Variants in NCALD observed in about 807,000 individuals in gnomAD.
The protein encoded by NCALD is neurocalcin delta.
NCALD carries 10 observed loss-of-function variants against 18.6 expected under a neutral mutation model. That is an observed-to-expected ratio of 0.54 (90% CI 0.33 to 0.91). The LOEUF is 0.91. Among genes scored for constraint, NCALD ranks in the 40% least tolerant of loss-of-function variants. The pLI, the probability that NCALD is intolerant of heterozygous loss-of-function variation, is 0.03. For missense variants in NCALD, 184 were observed against 247.6 expected (o/e 0.74, Z 1.72); for synonymous variants, 88 against 87.4 (o/e 1.01, Z -0.04).
intron 1 of NCALD, among the ~76,000 whole-genome samples, chr8:101,733,866 C>T (rs1431854848): frequency 6.6e-6 from 1 of 152,226 alleles, no homozygotes; most frequent in African/African-American, 2.4e-5. Context: ...TTATTCTAAC[C>T]TGAAATTAAG....
chr8:101,998,106 A>C (rs1258779698), intron 2 of NCALD, among the ~76,000 whole-genome samples: 1 of 152,084 alleles, frequency 6.6e-6, no homozygotes. Context: ...CAGGCTCCAC[A>C]TTCTTAAAGA....
intron 3 of NCALD, among the ~76,000 whole-genome samples, chr8:101,895,832 G>A (rs890565640): frequency 2.7e-5 from 4 of 146,268 alleles, no homozygotes; most frequent in African/African-American, 8.2e-5. Context: ...TCTTCAAGGC[G>A]AACTACAAAC....
In NCALD at chr8:101,969,744, GA is replaced by G. The variant is rs373602514; in HGVS notation, c.-157+50492del. Among the ~76,000 whole-genome samples, 13 of 152,270 alleles carry G rather than the reference GA, an allele frequency of 8.5e-5. No individual in the cohort carries two copies. In the East Asian group the frequency reaches 2.3e-3, roughly 27 times the overall value. On this transcript the variant is annotated intron_variant, in intron 2 of 6. Coordinates refer to the NCALD transcript ENST00000311028. ...TTCATTACATTTTGTGATACATCTA[GA>G]ATTTCCCATATTGAATCATATGAAA...
chr8:101,777,763 G>A (rs552785566), intron 1 of NCALD, among the ~76,000 whole-genome samples: 98 of 152,186 alleles, frequency 6.4e-4, no homozygotes, highest in African/African-American at 2.3e-3. Context: ...ACTAAGTGGT[G>A]GAAAATGTGT....
intron 1 of NCALD, among the ~76,000 whole-genome samples, chr8:101,751,893 T>G (rs1313909967): frequency 6.6e-6 from 1 of 152,224 alleles, no homozygotes; most frequent in Non-Finnish European, 1.5e-5. Context: ...CTTCAGCACA[T>G]GGTTTATGAC....
chr8:102,093,858 G>C (rs1409337631), intron 1 of NCALD, among the ~76,000 whole-genome samples: 1 of 152,096 alleles, frequency 6.6e-6, no homozygotes, highest in Non-Finnish European at 1.5e-5. Context: ...ATTCCTAACT[G>C]ATGTGACAGT....
chr8:101,794,899 AT>A (rs565306160), upstream of NCALD, among the ~76,000 whole-genome samples: 2 of 152,200 alleles, frequency 1.3e-5, no homozygotes, highest in East Asian at 3.9e-4. Flanking sequence ...GGTTGTTTTT[AT>A]TTTTAAATTT....
chr8:102,086,178 A>G lies in NCALD; in HGVS notation c.-210+38059T>C, dbSNP rs1587052846. On this transcript the variant is annotated intron_variant, in intron 1 of 6. Coordinates refer to the NCALD transcript ENST00000311028. The stretch of plus-strand genomic sequence containing the variant: ...CAGTCAAGGAAAACATCACTTGAGC[A>G]TTGCTCATCTGAGTGCACAAGACTG... Among the ~76,000 whole-genome samples, 3 of 152,332 alleles carry G rather than the reference A, an allele frequency of 2.0e-5. No individual in the cohort carries two copies. The East Asian group carries it at 5.8e-4, about 29-fold the overall frequency.
intron 1 of NCALD, among the ~76,000 whole-genome samples, chr8:102,065,294 C>T (rs1679070290): frequency 6.6e-6 from 1 of 151,690 alleles, no homozygotes; most frequent in African/African-American, 2.4e-5. Context: ...TTCCACTGCT[C>T]CATACGCAGG....
chr8:101,922,028 C>A (rs997430672), intron 2 of NCALD, among the ~76,000 whole-genome samples: 16 of 151,598 alleles, frequency 1.1e-4, no homozygotes, highest in Non-Finnish European at 1.5e-5. Flanking sequence ...ACTGTAACCT[C>A]CACCTCTGGG....
At chr8:102,009,692 T>C (rs1821837762) in intron 2 of NCALD, among the ~76,000 whole-genome samples, 1 of 152,238 alleles carries the variant, frequency 6.6e-6, no homozygotes, top group African/African-American at 2.4e-5. Context: ...TACTTTTTAT[T>C]CTCAGCCTGC....
chr8:102,012,340 C>A (rs931529096), intron 2 of NCALD, among the ~76,000 whole-genome samples: 5 of 152,214 alleles, frequency 3.3e-5, no homozygotes, highest in South Asian at 2.1e-4. Flanking sequence ...TCAAGAAAAA[C>A]CAAAATAGCC....
At chr8:101,946,533 G>A (rs1442833723) in intron 2 of NCALD, among the ~76,000 whole-genome samples, 11 of 151,924 alleles carry the variant, frequency 7.2e-5, no homozygotes, top group Admixed American at 1.3e-4. Context: ...ATGTCAGAAC[G>A]GTATCTAGTT....
At position 101,751,782 on chromosome 8, in the gene NCALD, C is replaced by T. The variant is rs555154387; in HGVS notation, c.-19-32134G>A. On this transcript the variant is annotated intron_variant, in intron 1 of 3. Transcript: ENST00000220931. ...GACTCCACAGTGATTTCTGCTTATTCGGGAGACAGCCTGCCCCAAAGGTGG... is the reference window on the plus strand; with the variant it reads ...GACTCCACAGTGATTTCTGCTTATTTGGGAGACAGCCTGCCCCAAAGGTGG... Among the ~76,000 whole-genome samples the T allele has an allele frequency of 3.7e-4, 56 of 152,278 alleles. No homozygotes were observed. In the South Asian group the frequency reaches 6.2e-3, roughly 17 times the overall value.
At chr8:102,105,068 G>T (rs1023967701) in intron 1 of NCALD, among the ~76,000 whole-genome samples, 8 of 152,202 alleles carry the variant, frequency 5.3e-5, no homozygotes, top group Admixed American at 4.6e-4. Flanking sequence ...AGAGCCAAGA[G>T]ATAGATTTCT....
At chr8:101,773,009 T>C (rs1811648949) in intron 1 of NCALD, among the ~76,000 whole-genome samples, 1 of 152,140 alleles carries the variant, frequency 6.6e-6, no homozygotes, top group East Asian at 1.9e-4. Flanking sequence ...GTAGTTGCAA[T>C]TTTTTACTTC....
At chr8:101,732,166 T>C (rs2130595368) in intron 1 of NCALD, among the ~76,000 whole-genome samples, 1 of 152,342 alleles carries the variant, frequency 6.6e-6, no homozygotes, top group Admixed American at 6.5e-5. Context: ...CCTTTTGCAA[T>C]AAATGTCCGC....
chr8:101,899,155 A>G (rs991175602), intron 3 of NCALD, among the ~76,000 whole-genome samples: 1 of 152,018 alleles, frequency 6.6e-6, no homozygotes, highest in Non-Finnish European at 1.5e-5. Flanking sequence ...GAGATTGTAA[A>G]TGATATTGTA....
At chr8:102,007,775 T>G (rs535476783) in intron 2 of NCALD, among the ~76,000 whole-genome samples, 28 of 152,318 alleles carry the variant, frequency 1.8e-4, no homozygotes, top group East Asian at 7.7e-4. Flanking sequence ...TTTTTTGCAG[T>G]GCATGTCCAC....
Sources: allele counts gnomAD v4.1 joint callset (sites outside exome capture counted in the v4.1 genomes callset), GRCh38; gene constraint gnomAD v4.1.1; transcripts MANE v1.5; gene names NCBI Gene and HGNC (gene_info 2026-07-23, HGNC 2026-07-21).